The following EPHB4 variants were observed in gnomAD, a reference collection of about 807,000 sequenced individuals.
The protein encoded by EPHB4 is EPH receptor B4.
In EPHB4, 50 loss-of-function variants were observed where a neutral mutation model predicts 110.6. That is an observed-to-expected ratio of 0.45 (90% confidence interval 0.36 to 0.57). The LOEUF (loss-of-function observed/expected upper bound fraction) is 0.57, where lower values mean the gene tolerates loss of function less well. Among genes scored for constraint, EPHB4 ranks in the 20% least tolerant of loss-of-function variants. The probability of loss-of-function intolerance (pLI) is 0.00; values close to 1 mark genes in which losing one functional copy is unlikely to be tolerated. For synonymous variants in EPHB4, 592 were observed against 578.4 expected, an observed-to-expected ratio of 1.02 and a Z score of -0.34; for missense variants, 1,128 against 1,382.1, an observed-to-expected ratio of 0.82 and a Z score of 2.91.
rs372230192 is a variant in EPHB4, at chr7:100,819,546, C to A, written c.1297+11G>T. 3.2e-6 allele frequency: 5 copies of A among 1,543,496 alleles called. No individual in the cohort carries two copies. In the African/African-American group the frequency reaches 5.5e-5, roughly 17 times the overall value. ...GCCAGACCACCAGCCGCCCCAGCCC[C>A]CAAGTCTCACCCTCTCGGTCAGTGG... On this transcript the variant is annotated intron_variant, in intron 6 of 16. Transcript: ENST00000358173.
At chr7:100,820,079 G>A in intron 5 of EPHB4, 62 bp downstream of exon 5, 1 of 1,576,482 alleles carries the variant, frequency 6.3e-7, no homozygotes, top group South Asian at 1.1e-5. Context: ...GCCATGTGAG[G>A]GTCCACCTCA....
intron 5 of EPHB4, 113 bp downstream of exon 5, chr7:100,820,028 G>A (rs1352160259): frequency 1.3e-6 from 2 of 1,513,052 alleles, no homozygotes; most frequent in Non-Finnish European, 8.8e-7. Flanking sequence ...CTAGGGACAA[G>A]CATGCCAGGG....
chr7:100,824,606 G>C (rs1433619287), intron 1 of EPHB4: 2 of 267,656 alleles, frequency 7.5e-6, no homozygotes, highest in African/African-American at 4.4e-5. Flanking sequence ...CCCTGGTCCT[G>C]ACCCCCACGA....
At chr7:100,824,615 G>A (rs1287990059) in intron 1 of EPHB4, 12 of 243,844 alleles carry the variant, frequency 4.9e-5, no homozygotes, top group Non-Finnish European at 8.0e-5. Context: ...TGACCCCCAC[G>A]AGCAGAGGCT....
At chr7:100,826,931 G>C (rs775569595) in intron 1 of EPHB4, 48 bp downstream of exon 1, 9 of 1,535,226 alleles carry the variant, frequency 5.9e-6, no homozygotes, top group Non-Finnish European at 7.9e-6. Flanking sequence ...TGTTGGGGGG[G>C]AGGTCCCAGG....
intron 12 of EPHB4, among the ~76,000 whole-genome samples, chr7:100,807,910 TTG>T (rs1216391435): frequency 6.6e-6 from 1 of 152,164 alleles, no homozygotes; most frequent in Non-Finnish European, 1.5e-5. Context: ...ATTACAGATG[TTG>T]AGTCACCGTA....
At chr7:100,812,400 G>A (rs940822246) in intron 12 of EPHB4, among the ~76,000 whole-genome samples, 1 of 151,980 alleles carries the variant, frequency 6.6e-6, no homozygotes, top group Non-Finnish European at 1.5e-5. Context: ...TACCAGCCTG[G>A]CCTACATGGT....
chr7:100,811,715 TA>T (rs1273696950), intron 12 of EPHB4, among the ~76,000 whole-genome samples: 1 of 151,058 alleles, frequency 6.6e-6, no homozygotes, highest in African/African-American at 2.4e-5. Flanking sequence ...CAAAAAATTT[TA>T]AAAATTTGCT....
rs191385439 is a variant in EPHB4, at chr7:100,822,232, C to G, written c.808+39G>C. ...CTGAGTGGAGTTCAGGACTCTCCCC[C>G]GGATGAGCAGCAGTCGCAGGGGAAG... On this transcript the variant is annotated intron_variant, in intron 4 of 16. Transcript: ENST00000358173. The surrounding 1 kb of genome is among the most constrained non-coding windows in gnomAD (Gnocchi z 4.7). 2.0e-6 allele frequency: 3 copies of G among 1,535,958 alleles called. No individual in the cohort carries two copies. The highest frequency in any genetic ancestry group is 1.8e-6 in the Non-Finnish European group (2 of 1,141,958).
chr7:100,822,230 C>G lies in EPHB4; in HGVS notation c.808+41G>C. 6.5e-7 allele frequency: 1 copy of G among 1,534,458 alleles called. No homozygotes were observed. The highest frequency in any genetic ancestry group is 8.8e-7 in the Non-Finnish European group (1 of 1,141,314). ...TCCTGAGTGGAGTTCAGGACTCTCC[C>G]CCGGATGAGCAGCAGTCGCAGGGGA... On this transcript the variant is annotated intron_variant, in intron 4 of 16. Transcript: ENST00000358173. The surrounding 1 kb of genome is among the most constrained non-coding windows in gnomAD (Gnocchi z 4.7).
At chr7:100,811,962 G>C (rs926608498) in intron 12 of EPHB4, among the ~76,000 whole-genome samples, 1 of 151,222 alleles carries the variant, frequency 6.6e-6, no homozygotes, top group East Asian at 2.0e-4. Context: ...ACCTGAGGTC[G>C]GGAGTTCGAG....
rs541177722 is a variant in EPHB4 at position 100,813,226 on chromosome 7, G to A, written c.1757-18C>T. 4.4e-6 allele frequency: 7 copies of A among 1,590,390 alleles called. No homozygotes were observed. The highest frequency in any genetic ancestry group is 4.3e-6 in the Non-Finnish European group (5 of 1,172,056). On this transcript the variant is annotated intron_variant, in intron 10 of 16. Coordinates refer to ENST00000358173, the MANE Select transcript of EPHB4 (RefSeq NM_004444.5). Reference sequence around the variant, plus strand: ...CTTAGTACCTGAGAAATCAGGCAGGGCCCCGTCAGCTGGGAATTAACTCCC... The same window carrying A: ...CTTAGTACCTGAGAAATCAGGCAGGACCCCGTCAGCTGGGAATTAACTCCC...
intron 12 of EPHB4, 86 bp downstream of exon 12, chr7:100,812,661 C>CTG: frequency 6.6e-7 from 1 of 1,526,126 alleles, no homozygotes; most frequent in Non-Finnish European, 8.8e-7. Flanking sequence ...CTGGGACCCA[C>CTG]TGTCTGTCCT....
At chr7:100,809,168 G>A (rs1159985334) in intron 12 of EPHB4, among the ~76,000 whole-genome samples, 6 of 152,080 alleles carry the variant, frequency 3.9e-5, no homozygotes, top group South Asian at 4.1e-4. Context: ...GTAAAGTGGC[G>A]TGATCTTGGC....
Position 100,822,846 on chromosome 7 carries a change from A to G in EPHB4, c.412-179T>C, listed in dbSNP as rs1284101591. 2.6e-5 allele frequency among the ~76,000 whole-genome samples: 4 copies of G among 152,128 alleles called. No individual in the cohort carries two copies. The highest frequency in any genetic ancestry group is 5.9e-5 in the Non-Finnish European group (4 of 68,024). ...CCACACTGTCCATTCAGCCTTGCAA[A>G]GCTCCTGCGATATGCCCGGCCTCTG... On this transcript the variant is annotated intron_variant, in intron 3 of 16. Transcript: ENST00000358173. The surrounding 1 kb of genome is among the most constrained non-coding windows in gnomAD (Gnocchi z 4.7).
In EPHB4 at chr7:100,812,617, C is replaced by A. The variant is rs1812962061; in HGVS notation, c.2118+130G>T. ...AAAAAGAAAAGGCAGAGGACCAGGG[C>A]TTAGCCCAAGAGGAAAAGGCTGGAG... On this transcript the variant is annotated intron_variant, in intron 12 of 16. Coordinates refer to ENST00000358173, the MANE Select transcript of EPHB4 (RefSeq NM_004444.5). 2.3e-6 allele frequency: 3 copies of A among 1,318,654 alleles called. No homozygotes were observed. The African/African-American group carries it at 4.4e-5, about 20-fold the overall frequency. The allele number at this position is 1,318,654 out of a possible 1,614,324, so 81.7% of individuals were successfully genotyped here.
chr7:100,805,506 A>T lies in EPHB4; in HGVS notation c.2673T>A (p.Asn891Lys). 6.6e-7 allele frequency: 1 copy of T among 1,521,420 alleles called. No individual in the cohort carries two copies. Among genetic ancestry groups the T allele is most frequent in the Non-Finnish European group, 8.8e-7 (1 of 1,134,278 alleles). The allele number at this position is 1,521,420 out of a possible 1,614,324, so 94.2% of individuals were successfully genotyped here. ...PASLKIVARE[N>K]GGASHPLLDQ... Reference sequence around the variant, plus strand: ...CCATTCTCTGCAGTCCTCACCCGCCATTCTCCCGGGCCACGATTTTGAGGC... The same window carrying T: ...CCATTCTCTGCAGTCCTCACCCGCCTTTCTCCCGGGCCACGATTTTGAGGC... The change falls in exon 15 of 17, where the codon AAT becomes AAA. Residue 891 changes from asparagine (N) to lysine (K), a missense_variant. Physicochemically the swap from Asn to Lys is moderately conservative, Grantham distance 94 (BLOSUM62 0). This residue lies in a region of EPHB4 where 209 missense variants were observed against 240.5 expected (regional missense o/e 0.87). Coordinates refer to ENST00000358173, the MANE Select transcript of EPHB4 (RefSeq NM_004444.5).
chr7:100,821,483 G>T (rs1813231794), intron 4 of EPHB4, among the ~76,000 whole-genome samples: 1 of 151,076 alleles, frequency 6.6e-6, no homozygotes, highest in Non-Finnish European at 1.5e-5. Context: ...CAAGAAATTA[G>T]CCGGGCGTGG....
chr7:100,818,888 G>A (rs1465028078), intron 6 of EPHB4, among the ~76,000 whole-genome samples: 8 of 151,808 alleles, frequency 5.3e-5, no homozygotes, highest in African/African-American at 1.9e-4. Flanking sequence ...TAGACATGGG[G>A]TTTCACCACG....
Sources: allele counts gnomAD v4.1 joint callset (sites outside exome capture counted in the v4.1 genomes callset), GRCh38; gene constraint gnomAD v4.1.1; regional missense constraint gnomAD v4.1.1; non-coding constraint Gnocchi (gnomAD v3.1); transcripts MANE v1.5; gene names NCBI Gene and HGNC (gene_info 2026-07-23, HGNC 2026-07-21).